CLTA: variants seen among roughly 807,000 people sequenced by gnomAD.
The protein encoded by CLTA is clathrin, light polypeptide (Lca).
CLTA carries 9 observed loss-of-function variants against 26.9 expected under a neutral mutation model. The observed-to-expected ratio is 0.33, with a 90% CI of 0.20 to 0.58. The LOEUF is 0.58. Ranked by LOEUF, CLTA falls within the 20% of genes least tolerant of loss-of-function variation. The probability of loss-of-function intolerance (pLI) is 0.85; values close to 1 mark genes in which losing one functional copy is unlikely to be tolerated. For synonymous variants in CLTA, 120 were observed against 115.5 expected, an observed-to-expected ratio of 1.04 and a Z score of -0.25; for missense variants, 278 against 294.2, an observed-to-expected ratio of 0.94 and a Z score of 0.40.
At chr9:36,194,998 G>C (rs1239025483) in intron 1 of CLTA, among the ~76,000 whole-genome samples, 2 of 152,190 alleles carry the variant, frequency 1.3e-5, no homozygotes, top group African/African-American at 4.8e-5. Flanking sequence ...ATGGAGTAGT[G>C]ATCAAAGTCT....
At chr9:36,209,661 G>C (rs560844970) in intron 4 of CLTA, among the ~76,000 whole-genome samples, 101 of 152,242 alleles carry the variant, frequency 6.6e-4, no homozygotes, top group Non-Finnish European at 1.1e-3. Context: ...CTGCTGCCAT[G>C]CCCTGTTGCC....
intron 1 of CLTA, among the ~76,000 whole-genome samples, chr9:36,196,351 T>A (rs936145039): frequency 1.3e-4 from 19 of 150,116 alleles, no homozygotes; most frequent in African/African-American, 2.9e-4. Context: ...TCTTTTTTTT[T>A]TTTTTTATTT....
At chr9:36,206,494 A>G (rs1168610971) in intron 4 of CLTA, among the ~76,000 whole-genome samples, 1 of 152,086 alleles carries the variant, frequency 6.6e-6, no homozygotes, top group Non-Finnish European at 1.5e-5. Flanking sequence ...CTCTCCATCC[A>G]TGTTTGACTC....
chr9:36,208,644 G>C (rs144849197), intron 4 of CLTA, among the ~76,000 whole-genome samples: 1 of 152,202 alleles, frequency 6.6e-6, no homozygotes, highest in African/African-American at 2.4e-5. Context: ...GCAGTAGTTA[G>C]ATAATCCAAG....
At chr9:36,211,520 G>T in intron 4 of CLTA, 83 bp from the exon 5 acceptor site, 1 of 1,495,072 alleles carries the variant, frequency 6.7e-7, no homozygotes, top group East Asian at 2.3e-5. Context: ...GGACAAATAG[G>T]CAGTTGCTTG....
Position 36,191,081 on chromosome 9 carries a change from G to C in CLTA, c.25G>C (p.Ala9Pro). 1 of 1,583,296 alleles carries C rather than the reference G, an allele frequency of 6.3e-7. No homozygotes were observed. Among genetic ancestry groups the C allele is most frequent in the Admixed American group, 1.8e-5 (1 of 56,212 alleles). Residue 9 changes from alanine (A) to proline (P), a missense_variant, in exon 1 of 5, where the codon GCC becomes CCC. Transcript: ENST00000345519. ...CATGGCTGAGCTGGATCCGTTCGGC[G>C]CCCCTGCCGGCGCCCCTGGCGGTCC... MAELDPFG[A>P]PAGAPGGPAL...
At position 36,191,258 on chromosome 9, in the gene CLTA, C is replaced by A; in HGVS notation, c.202C>A (p.Pro68Thr). 2.0e-6 allele frequency: 3 copies of A among 1,527,380 alleles called. No individual in the cohort carries two copies. Among genetic ancestry groups the A allele is most frequent in the Non-Finnish European group, 2.6e-6 (3 of 1,142,068 alleles). The allele number at this position is 1,527,380 out of a possible 1,614,324, so 94.6% of individuals were successfully genotyped here. A position where few individuals can be genotyped will look rare whatever the true frequency, so the allele number is the denominator to read the frequency against. Reference sequence around the variant, plus strand: ...CCCCGGGCCCCAGCCGCACGGCGAGCCGCCGGGGGGTCCGGGTGAGAGTGC... The same window carrying A: ...CCCCGGGCCCCAGCCGCACGGCGAGACGCCGGGGGGTCCGGGTGAGAGTGC... ...GAPGPQPHGE[P>T]PGGPDAVDGV... Residue 68 changes from proline to threonine, a missense_variant, in exon 1 of 5, where the codon CCG (proline) becomes ACG (threonine). Physicochemically the swap from Pro to Thr is conservative, Grantham distance 38 (BLOSUM62 -1). Transcript: ENST00000345519.
intron 2 of CLTA, among the ~76,000 whole-genome samples, chr9:36,197,851 G>A (rs977745384): frequency 2.0e-5 from 3 of 152,144 alleles, no homozygotes; most frequent in Admixed American, 1.3e-4. Flanking sequence ...ACTGTGTTGA[G>A]TGCAGTAAGT....
intron 1 of CLTA, among the ~76,000 whole-genome samples, chr9:36,195,511 T>G (rs1826970350): frequency 6.7e-6 from 1 of 149,222 alleles, no homozygotes; most frequent in African/African-American, 2.5e-5. Context: ...CATGAGTTTG[T>G]TTTTTTTTTC....
At chr9:36,200,641 G>A (rs1001849021) in intron 3 of CLTA, among the ~76,000 whole-genome samples, 14 of 152,110 alleles carry the variant, frequency 9.2e-5, no homozygotes, top group Non-Finnish European at 1.9e-4. Flanking sequence ...AATGCACTTA[G>A]TATTTGAACC....
Position 36,191,208 on chromosome 9 carries a change from C to A in CLTA, c.152C>A (p.Ala51Asp). The A allele has an allele frequency of 6.4e-7, 1 of 1,562,990 alleles. No homozygotes were observed. The highest frequency in any genetic ancestry group is 8.6e-7 in the Non-Finnish European group (1 of 1,158,212). The part of the protein sequence containing the change: ...SEIAGIENDE[A>D]FAILDGGAPG... ...ATTGCGGGCATCGAGAACGACGAGGCCTTCGCCATCCTGGACGGCGGCGCC... is the reference window on the plus strand; with the variant it reads ...ATTGCGGGCATCGAGAACGACGAGGACTTCGCCATCCTGGACGGCGGCGCC... The change falls in exon 1 of 5, where the codon GCC (alanine) becomes GAC (aspartate). Residue 51 changes from alanine (A) to aspartate (D), a missense_variant. Physicochemically the swap from Ala to Asp is moderately radical, Grantham distance 126 (BLOSUM62 -2). Transcript: ENST00000345519.
intron 1 of CLTA, among the ~76,000 whole-genome samples, chr9:36,195,741 C>G (rs568705820): frequency 6.6e-6 from 1 of 151,980 alleles, no homozygotes; most frequent in South Asian, 2.1e-4. Flanking sequence ...CTGAAGTGGG[C>G]GGATCACCTG....
At position 36,197,867 on chromosome 9, in the gene CLTA, C is replaced by T. The variant is rs182972082; in HGVS notation, c.255+279C>T. On this transcript the variant is annotated intron_variant, in intron 2 of 4. Coordinates refer to ENST00000345519, the MANE Select transcript of CLTA (RefSeq NM_001833.4). ...CTGTGTTGAGTGCAGTAAGTTAATA[C>T]TAATACTTTAAATAATTCTCCTTCC... Among the ~76,000 whole-genome samples, 38 of 152,240 alleles carry T rather than the reference C, an allele frequency of 2.5e-4. No homozygotes were observed. The East Asian group carries it at 6.9e-3, about 28-fold the overall frequency.
At chr9:36,209,341 CT>C (rs1296989789) in intron 4 of CLTA, 4 of 1,515,664 alleles carry the variant, frequency 2.6e-6, no homozygotes, top group Admixed American at 1.7e-5. Context: ...AAACTAATTC[CT>C]TTTTCTACAT....
intron 4 of CLTA, among the ~76,000 whole-genome samples, chr9:36,208,891 C>T (rs532751335): frequency 2.0e-5 from 3 of 152,316 alleles, no homozygotes; most frequent in Non-Finnish European, 4.4e-5. Context: ...GTTACCTCAT[C>T]TGTACAGTGG....
rs528445997 is a variant in CLTA at position 36,196,488 on chromosome 9, A to G, written c.218-1063A>G. Reference sequence around the variant, plus strand: ...CAGCCTCCTGAGTAGCTGGGATTACAGGCTCATGCCACCACCCTGGCTAAT... The same window carrying G: ...CAGCCTCCTGAGTAGCTGGGATTACGGGCTCATGCCACCACCCTGGCTAAT... On this transcript the variant is annotated intron_variant, in intron 1 of 4. Transcript: ENST00000345519. 2.6e-3 allele frequency among the ~76,000 whole-genome samples: 388 copies of G among 151,830 alleles called. 2 individuals are homozygous for G. Among genetic ancestry groups the G allele is most frequent in the Non-Finnish European group, 4.0e-3 (275 of 67,904 alleles).
chr9:36,207,469 T>A (rs904897983), intron 4 of CLTA, among the ~76,000 whole-genome samples: 1 of 152,268 alleles, frequency 6.6e-6, no homozygotes, highest in Non-Finnish European at 1.5e-5. Context: ...TGTGCCCACT[T>A]TGAGGCTGTT....
intron 1 of CLTA, among the ~76,000 whole-genome samples, chr9:36,194,550 G>A (rs146487045): frequency 1.6e-3 from 247 of 152,292 alleles, no homozygotes; most frequent in African/African-American, 5.5e-3. Context: ...AGAATGGATC[G>A]GTGTGGAAGT....
intron 4 of CLTA, 93 bp from the exon 5 acceptor site, chr9:36,211,510 G>A: frequency 6.8e-7 from 1 of 1,476,684 alleles, no homozygotes; most frequent in South Asian, 1.3e-5. Context: ...ATTAAGAAAG[G>A]GACAAATAGG....
Sources: allele counts gnomAD v4.1 joint callset (sites outside exome capture counted in the v4.1 genomes callset), GRCh38; gene constraint gnomAD v4.1.1; transcripts MANE v1.5; gene names NCBI Gene and HGNC (gene_info 2026-07-23, HGNC 2026-07-21).